DNAH8: variants seen among roughly 807,000 people sequenced by gnomAD.
DNAH8 encodes the protein dynein axonemal heavy chain 8.
A neutral mutation model predicts 562.1 loss-of-function variants in DNAH8; 382 were observed. That is an observed-to-expected ratio of 0.68 (90% confidence interval 0.63 to 0.74). The LOEUF is 0.74. Among genes scored for constraint, DNAH8 ranks in the 30% least tolerant of loss-of-function variants. DNAH8 has a pLI of 0.00. For synonymous variants in DNAH8, 1,881 were observed against 1,919.4 expected (o/e 0.98, Z 0.52); for missense variants, 5,203 against 5,620.4 (o/e 0.93, Z 2.37).
intron 53 of DNAH8, among the ~76,000 whole-genome samples, chr6:38,877,847 C>T (rs550840172): frequency 1.2e-4 from 18 of 152,166 alleles, no homozygotes; most frequent in African/African-American, 2.9e-4. Flanking sequence ...ATGTGTAAGA[C>T]GGTTTTTTTT....
intron 83 of DNAH8, among the ~76,000 whole-genome samples, chr6:38,973,344 C>T (rs781688115): frequency 3.3e-5 from 5 of 152,128 alleles, no homozygotes; most frequent in Non-Finnish European, 7.3e-5. Flanking sequence ...GTTACTGATT[C>T]CAAAATACCC....
At position 38,761,778 on chromosome 6, in the gene DNAH8, C is replaced by T. The variant is rs376907315; in HGVS notation, c.1592C>T (p.Thr531Met). The T allele has an allele frequency of 1.0e-5, 16 of 1,562,358 alleles. No homozygotes were observed. The highest frequency in any genetic ancestry group is 2.4e-5 in the East Asian group (1 of 40,960). Residue 531 changes from threonine to methionine, a missense_variant, in exon 11 of 93, where the codon ACG becomes ATG. This residue lies in a region of DNAH8 where 2,176 missense variants were observed against 2,365.1 expected (regional missense o/e 0.92). Transcript: ENST00000327475. ...TTAAACCATGTATGGGATCAGGAAA[C>T]GCCAGTTGTACTAAAGAAAATTCAG... ...GGLNHVWDQE[T>M]PVVLKKIQDC...
At position 38,891,110 on chromosome 6, in the gene DNAH8, A is replaced by G. The variant is rs116112700; in HGVS notation, c.8583+349A>G. On this transcript the variant is annotated intron_variant, in intron 58 of 92. Coordinates refer to ENST00000327475, the MANE Select transcript of DNAH8 (RefSeq NM_001206927.2). ...CTACCAAACTATGTCAGACACTCAG[A>G]TGCTTATTGACTGACTTAATACATG... Among the ~76,000 whole-genome samples, 1,485 of 152,338 alleles carry G rather than the reference A, an allele frequency of 9.7e-3. 22 individuals carry two copies. Among genetic ancestry groups the G allele is most frequent in the African/African-American group, 0.034 (1,419 of 41,556 alleles).
rs375668014 is a variant in DNAH8 at position 38,775,941 on chromosome 6, A to G, written c.1952A>G (p.Asn651Ser). Reference sequence around the variant, plus strand: ...TTCTTAGATTTCATGACAAAAATCAATGGTTTAGAGGTAAGTAATTATACC... The same window carrying G: ...TTCTTAGATTTCATGACAAAAATCAGTGGTTTAGAGGTAAGTAATTATACC... ...TDFLDFMTKI[N>S]GLEVQIQAFM... Residue 651 changes from asparagine to serine, a missense_variant, in exon 13 of 93, where the codon AAT (asparagine) becomes AGT (serine). Around this residue, in one of 6 missense-constraint regions of DNAH8, gnomAD observed 2,176 missense variants for 2,365.1 expected, o/e 0.92. Coordinates refer to ENST00000327475, the MANE Select transcript of DNAH8 (RefSeq NM_001206927.2). 220 of 1,608,434 alleles carry G rather than the reference A, an allele frequency of 1.4e-4. No individual in the cohort carries two copies. Among genetic ancestry groups the G allele is most frequent in the Admixed American group, 2.0e-4 (12 of 59,978 alleles).
At chr6:38,965,478 T>C (rs1053686548) in intron 82 of DNAH8, among the ~76,000 whole-genome samples, 3 of 152,206 alleles carry the variant, frequency 2.0e-5, no homozygotes, top group Admixed American at 1.3e-4. Flanking sequence ...TGCTCCTGTA[T>C]TTTTCAAACC....
At chr6:38,855,497 C>T (rs1316482168) in intron 41 of DNAH8, among the ~76,000 whole-genome samples, 1 of 151,882 alleles carries the variant, frequency 6.6e-6, no homozygotes, top group Non-Finnish European at 1.5e-5. Context: ...GCTGTTTTCT[C>T]CTTTGTTCTT....
At chr6:38,759,630 C>A (rs1041512964) in intron 10 of DNAH8, among the ~76,000 whole-genome samples, 3 of 152,202 alleles carry the variant, frequency 2.0e-5, no homozygotes, top group Admixed American at 2.0e-4. Context: ...CTAGTGAAAT[C>A]TAGTTTGAGC....
At chr6:38,870,693 C>G in intron 49 of DNAH8, 131 bp downstream of exon 49, 1 of 894,038 alleles carries the variant, frequency 1.1e-6, no homozygotes, top group Non-Finnish European at 1.7e-6. Context: ...TACATCATTG[C>G]AAAAAGAATA....
chr6:38,842,746 G>A lies in DNAH8; in HGVS notation c.4688G>A (p.Cys1563Tyr). ...KKRIDDFSES[C>Y]PLLEMMTNKA... ...AGAATTGATGATTTCAGTGAGTCAT[G>A]TCCTCTACTGGAAATGATGACCAAT... is the stretch of plus-strand genomic sequence containing the variant. The change falls in exon 35 of 93, where the codon TGT (cysteine) becomes TAT (tyrosine). Residue 1563 changes from cysteine (C) to tyrosine (Y), a missense_variant. Cys to Tyr is a radical substitution (Grantham distance 194). Around this residue, in one of 6 missense-constraint regions of DNAH8, gnomAD observed 2,176 missense variants for 2,365.1 expected, o/e 0.92. Coordinates refer to ENST00000327475, the MANE Select transcript of DNAH8 (RefSeq NM_001206927.2). The A allele has an allele frequency of 6.2e-7, 1 of 1,613,830 alleles. No individual in the cohort carries two copies. The highest frequency in any genetic ancestry group is 8.5e-7 in the Non-Finnish European group (1 of 1,179,876).
In DNAH8 at chr6:38,850,359, C is replaced by CA; in HGVS notation, c.5310dup (p.Leu1771ThrfsTer7). On this transcript the variant is annotated frameshift_variant, in exon 38 of 93. Coordinates refer to ENST00000327475, the MANE Select transcript of DNAH8 (RefSeq NM_001206927.2). LOFTEE classifies it high-confidence loss of function. ...CTGTGTTGGAGATGAAACCATGGGACAACTTTTACCTCATTTACATGAGCA... is the reference window on the plus strand; with the variant it reads ...CTGTGTTGGAGATGAAACCATGGGACAAACTTTTACCTCATTTACATGAGCA... 1 of 1,613,632 alleles carries CA rather than the reference C, an allele frequency of 6.2e-7. No homozygotes were observed. The highest frequency in any genetic ancestry group is 8.5e-7 in the Non-Finnish European group (1 of 1,179,650).
intron 34 of DNAH8, 67 bp from the exon 35 acceptor site, chr6:38,842,596 A>T: frequency 6.3e-7 from 1 of 1,586,966 alleles, no homozygotes; most frequent in Non-Finnish European, 8.6e-7. Flanking sequence ...ATAATAGTGT[A>T]TATACATAAA....
chr6:38,746,391 T>C (rs1014071220), intron 8 of DNAH8, among the ~76,000 whole-genome samples: 3 of 152,210 alleles, frequency 2.0e-5, no homozygotes, highest in African/African-American at 7.2e-5. Flanking sequence ...TAAGGCTCAT[T>C]TTGTATTTGT....
At chr6:39,010,374 T>C (rs1766110475) in intron 89 of DNAH8, among the ~76,000 whole-genome samples, 2 of 152,158 alleles carry the variant, frequency 1.3e-5, no homozygotes, top group Non-Finnish European at 2.9e-5. Context: ...TAGAGAATAC[T>C]ACCTGGTCCC....
chr6:38,807,563 G>GT (rs1260015197), intron 23 of DNAH8, 47 bp from the exon 24 acceptor site: 1 of 1,104,118 alleles, frequency 9.1e-7, no homozygotes, highest in Non-Finnish European at 1.2e-6. Flanking sequence ...GATGCTCTAG[G>GT]TTTTTTGGAG....
At chr6:38,834,693 T>G in intron 32 of DNAH8, 52 bp downstream of exon 32, 3 of 1,409,872 alleles carry the variant, frequency 2.1e-6, no homozygotes, top group Non-Finnish European at 9.9e-7. Flanking sequence ...TAAAAAATTA[T>G]TTTGGGGAAA....
At chr6:38,738,780 G>A (rs1012818903) in intron 7 of DNAH8, among the ~76,000 whole-genome samples, 2 of 152,138 alleles carry the variant, frequency 1.3e-5, no homozygotes, top group African/African-American at 4.8e-5. Context: ...CTCCCCTAGG[G>A]TCTAGAGTGC....
At chr6:38,902,267 A>G (rs570354539) in intron 62 of DNAH8, among the ~76,000 whole-genome samples, 1 of 152,304 alleles carries the variant, frequency 6.6e-6, no homozygotes, top group East Asian at 1.9e-4. Flanking sequence ...CAGCTCCTCC[A>G]GGAGAGTACC....
intron 82 of DNAH8, among the ~76,000 whole-genome samples, chr6:38,959,171 A>C (rs1045782446): frequency 2.0e-5 from 3 of 152,224 alleles, no homozygotes; most frequent in Non-Finnish European, 4.4e-5. Flanking sequence ...AGCTAACATC[A>C]TACTAAACTG....
rs550585873 is a variant in DNAH8 at position 38,993,817 on chromosome 6, C to A, written c.13214+3645C>A. ...TTTATATGGATCATAGTTGTTCAAC[C>A]ATTTGCCTATGTATGGGCATTTAGG... is the stretch of plus-strand genomic sequence containing the variant. On this transcript the variant is annotated intron_variant, in intron 88 of 92. Coordinates refer to ENST00000327475, the MANE Select transcript of DNAH8 (RefSeq NM_001206927.2). Among the ~76,000 whole-genome samples, 6 of 152,184 alleles carry A rather than the reference C, an allele frequency of 3.9e-5. No homozygotes were observed. In the South Asian group the frequency reaches 1.2e-3, roughly 32 times the overall value.
Sources: allele counts gnomAD v4.1 joint callset (sites outside exome capture counted in the v4.1 genomes callset), GRCh38; gene constraint gnomAD v4.1.1; regional missense constraint gnomAD v4.1.1; transcripts MANE v1.5; gene names NCBI Gene and HGNC (gene_info 2026-07-23, HGNC 2026-07-21).